The following ERGIC3 variants were observed in gnomAD, a reference collection of about 807,000 sequenced individuals.
ERGIC3 encodes the protein endoplasmic reticulum-Golgi intermediate compartment protein 3.
A neutral mutation model predicts 54.7 loss-of-function variants in ERGIC3; 33 were observed. The observed-to-expected ratio is 0.60, with a 90% confidence interval of 0.46 to 0.81. ERGIC3 has a LOEUF of 0.81. Ranked by LOEUF, ERGIC3 falls within the 30% of genes least tolerant of loss-of-function variation. The pLI, the probability that ERGIC3 is intolerant of heterozygous loss-of-function variation, is 0.00. For synonymous variants in ERGIC3, 186 were observed against 189.8 expected (o/e 0.98, Z 0.16); for missense variants, 399 against 488.4 (o/e 0.82, Z 1.73).
intron 4 of ERGIC3, 181 bp from the exon 5 acceptor site, chr20:35,547,231 T>C (rs1355376249): frequency 1.4e-5 from 8 of 573,052 alleles, no homozygotes; most frequent in Non-Finnish European, 2.2e-5. Context: ...TTACTGTTTC[T>C]TTTATTAAAA....
At chr20:35,548,370 T>G in intron 5 of ERGIC3, 139 bp from the exon 6 acceptor site, 2 of 890,132 alleles carry the variant, frequency 2.2e-6, no homozygotes, top group East Asian at 2.7e-5. Flanking sequence ...GGAAACACAT[T>G]TGGAGAATGT....
chr20:35,542,216 AG>A lies in ERGIC3; in HGVS notation c.88+37del, dbSNP rs767842089. 6.3e-6 allele frequency: 10 copies of A among 1,588,360 alleles called. No homozygotes were observed. In the African/African-American group the frequency reaches 1.2e-4, roughly 19 times the overall value. The stretch of plus-strand genomic sequence containing the variant: ...CCGCAGCGGGGCCGGGGTCGCGTGG[AG>A]GGGGGCGTCCTAGAGCTTAGCCCGG... On this transcript the variant is annotated intron_variant, in intron 1 of 12. Transcript: ENST00000348547.
At chr20:35,549,030 C>T (rs368118219) in intron 7 of ERGIC3, 165 bp downstream of exon 7, 8 of 769,280 alleles carry the variant, frequency 1.0e-5, no homozygotes, top group East Asian at 5.4e-5. Flanking sequence ...GAGCACAGGC[C>T]GAGGAGCCAG....
At chr20:35,546,313 T>C (rs1293626575) in intron 4 of ERGIC3, among the ~76,000 whole-genome samples, 3 of 152,184 alleles carry the variant, frequency 2.0e-5, no homozygotes, top group South Asian at 4.1e-4. Context: ...GAGTGGGATC[T>C]GAAGGAGAAA....
intron 4 of ERGIC3, 189 bp from the exon 5 acceptor site, chr20:35,547,223 A>G: frequency 1.8e-6 from 1 of 561,438 alleles, no homozygotes; most frequent in Non-Finnish European, 3.2e-6. Context: ...CTGTTTTCTT[A>G]CTGTTTCTTT....
intron 3 of ERGIC3, 25 bp downstream of exon 3, chr20:35,542,625 C>T (rs370014732): frequency 3.1e-6 from 5 of 1,612,824 alleles, no homozygotes; most frequent in African/African-American, 2.7e-5. Context: ...ATGGGTGGGA[C>T]TGGAGAGACC....
intron 7 of ERGIC3, among the ~76,000 whole-genome samples, chr20:35,552,958 A>G (rs1369409683): frequency 3.4e-5 from 5 of 146,546 alleles, no homozygotes; most frequent in South Asian, 2.1e-4. Context: ...TGGAGGTTCC[A>G]TATCGATATC....
chr20:35,544,858 A>C (rs1234834860), intron 4 of ERGIC3: 2 of 118,432 alleles, frequency 1.7e-5, no homozygotes, highest in Non-Finnish European at 3.2e-5. Context: ...GCTGGAGTGC[A>C]ATGGTGCGAT....
chr20:35,548,727 C>T, intron 6 of ERGIC3, 53 bp downstream of exon 6: 1 of 1,614,098 alleles, frequency 6.2e-7, no homozygotes, highest in Non-Finnish European at 8.5e-7. Context: ...GCAAGCTCCA[C>T]TGGGAACCGA....
chr20:35,557,120 G>A lies in ERGIC3; in HGVS notation c.1016+11G>A. ...GACGGAGAAGCACAGGTGAGGATGG[G>A]GGCAAAGCGGCCTCTGGGGGCCTGG... On this transcript the variant is annotated intron_variant, in intron 11 of 12. Coordinates refer to ENST00000348547, the MANE Select transcript of ERGIC3 (RefSeq NM_015966.3). The A allele has an allele frequency of 6.2e-7, 1 of 1,614,210 alleles. No homozygotes were observed. The highest frequency in any genetic ancestry group is 8.5e-7 in the Non-Finnish European group (1 of 1,180,024).
At chr20:35,554,791 CAT>C (rs1418606795) in intron 7 of ERGIC3, 2 of 605,916 alleles carry the variant, frequency 3.3e-6, no homozygotes, top group Non-Finnish European at 5.9e-6. Context: ...GTAGTCAAGG[CAT>C]AGAGTTCCCT....
chr20:35,548,167 T>C (rs887960037), intron 5 of ERGIC3, among the ~76,000 whole-genome samples: 13 of 152,104 alleles, frequency 8.5e-5, no homozygotes, highest in South Asian at 2.1e-4. Context: ...TCAAACAGAA[T>C]GGGAATATGT....
At chr20:35,552,355 G>T (rs1337603212) in intron 7 of ERGIC3, among the ~76,000 whole-genome samples, 1 of 152,146 alleles carries the variant, frequency 6.6e-6, no homozygotes, top group Admixed American at 6.5e-5. Context: ...AGATTGAGTA[G>T]GATTGATGCA....
Position 35,557,372 on chromosome 20 carries a change from G to A in ERGIC3, c.1073-53G>A, listed in dbSNP as rs866209577. Reference sequence around the variant, plus strand: ...CCAGTTAAGTGACAAGGCTCTCAGCGTCAAAAGCCAAGGCCCCCACTGGGC... The same window carrying A: ...CCAGTTAAGTGACAAGGCTCTCAGCATCAAAAGCCAAGGCCCCCACTGGGC... On this transcript the variant is annotated intron_variant, in intron 12 of 12. Transcript: ENST00000348547. 108 of 1,609,280 alleles carry A rather than the reference G, an allele frequency of 6.7e-5. No homozygotes were observed. The Middle Eastern group carries it at 3.6e-3, about 54-fold the overall frequency.
At chr20:35,547,164 G>A (rs945554891) in intron 4 of ERGIC3, 9 of 356,144 alleles carry the variant, frequency 2.5e-5, no homozygotes, top group Non-Finnish European at 4.7e-5. Flanking sequence ...GATGATGGTT[G>A]TGAAGTACAG....
At chr20:35,554,230 A>C in intron 7 of ERGIC3, 1 of 1,110,534 alleles carries the variant, frequency 9.0e-7, no homozygotes, top group Admixed American at 1.7e-5. Flanking sequence ...AGGGGCCCAG[A>C]AGGAGGCTTG....
intron 4 of ERGIC3, chr20:35,543,627 T>C: frequency 2.1e-6 from 1 of 471,310 alleles, no homozygotes; most frequent in South Asian, 1.5e-5. Context: ...GAGATTACTC[T>C]GGTGGGGAGT....
rs780217381 is a variant in ERGIC3, at chr20:35,542,107, C to G, written c.10C>G (p.Leu4Val). 3 of 1,549,732 alleles carry G rather than the reference C, an allele frequency of 1.9e-6. No individual in the cohort carries two copies. The highest frequency in any genetic ancestry group is 1.8e-4 in the Middle Eastern group (1 of 5,706). The change falls in exon 1 of 13, where the codon CTG (leucine) becomes GTG (valine). Residue 4 changes from leucine (L) to valine (V), a missense_variant. Transcript: ENST00000348547. Reference protein sequence around the residue: MEALGKLKQFDAYP... With the variant: MEAVGKLKQFDAYP... ...TTTCCGGCCGGTCCCCATGGAGGCG[C>G]TGGGGAAGCTGAAGCAGTTCGATGC... is the stretch of plus-strand genomic sequence containing the variant.
chr20:35,544,984 G>T (rs1332660471), intron 4 of ERGIC3: 2 of 151,998 alleles, frequency 1.3e-5, no homozygotes, highest in African/African-American at 2.4e-5. Flanking sequence ...TGTATTTTTG[G>T]TAGAGACAGG....
Sources: gnomAD v4.1 joint callset for allele counts (sites outside exome capture counted in the v4.1 genomes callset) on GRCh38, gnomAD v4.1.1 for gene constraint, MANE v1.5 for transcripts, NCBI Gene and HGNC (gene_info 2026-07-23, HGNC 2026-07-21) for gene names.